The following BICRAL variants were observed in gnomAD, a reference collection of about 807,000 sequenced individuals.
The protein encoded by BICRAL is BRD4-interacting chromatin-remodeling complex-associated protein-like.
A neutral mutation model predicts 91.8 loss-of-function variants in BICRAL; 8 were observed. The ratio of observed to expected loss-of-function variants is 0.09; its 90% CI spans 0.05 to 0.16. The LOEUF is 0.16. Among genes scored for constraint, BICRAL ranks in the 10% least tolerant of loss-of-function variants. The pLI is 1.00. For synonymous variants in BICRAL, 445 were observed against 491.1 expected (o/e 0.91, Z 1.24); for missense variants, 1,038 against 1,310.9 (o/e 0.79, Z 3.21).
At chr6:42,826,231 C>CT (rs763034286) in intron 5 of BICRAL, among the ~76,000 whole-genome samples, 7,140 of 116,862 alleles carry the variant, frequency 0.061, 297 homozygotes, top group East Asian at 0.09. Flanking sequence ...AACTCATGTT[C>CT]TTTTTTTTTT....
chr6:42,799,016 C>G (rs185231769), intron 1 of BICRAL, among the ~76,000 whole-genome samples: 172 of 152,126 alleles, frequency 1.1e-3, no homozygotes, highest in Middle Eastern at 6.8e-3. Flanking sequence ...TCTGGGGGTG[C>G]AGAACCCATG....
intron 10 of BICRAL, among the ~76,000 whole-genome samples, chr6:42,857,614 A>AAAAAAAAAAAAAAAAAAT: frequency 1.6e-4 from 15 of 96,222 alleles, no homozygotes; most frequent in African/African-American, 9.8e-4. Flanking sequence ...AAAAAAAAAA[A>AAAAAAAAAAAAAAAAAAT]ATATATATAT....
chr6:42,757,338 G>A (rs947801658), intron 1 of BICRAL, among the ~76,000 whole-genome samples: 39 of 150,860 alleles, frequency 2.6e-4, no homozygotes, highest in South Asian at 2.1e-4. Flanking sequence ...TGCAAGCTCC[G>A]CCTCCCAGGT....
chr6:42,794,397 A>G (rs1276161433), intron 1 of BICRAL, among the ~76,000 whole-genome samples: 2 of 151,226 alleles, frequency 1.3e-5, no homozygotes, highest in Non-Finnish European at 2.9e-5. Flanking sequence ...AATGCCGGAC[A>G]AAATTCACTT....
intron 6 of BICRAL, among the ~76,000 whole-genome samples, chr6:42,834,161 T>C (rs1031913240): frequency 2.6e-5 from 4 of 152,192 alleles, no homozygotes; most frequent in African/African-American, 9.7e-5. Context: ...AAACCAATTA[T>C]TTTCTATAAT....
chr6:42,830,738 C>T, intron 6 of BICRAL, among the ~76,000 whole-genome samples: 1 of 152,128 alleles, frequency 6.6e-6, no homozygotes, highest in Non-Finnish European at 1.5e-5. Context: ...ACCTCAGCCT[C>T]CCAGGTAGCT....
intron 1 of BICRAL, among the ~76,000 whole-genome samples, chr6:42,770,794 G>C (rs1172617176): frequency 1.3e-5 from 2 of 151,812 alleles, no homozygotes; most frequent in African/African-American, 4.8e-5. Flanking sequence ...GAGTTCAAGT[G>C]ATTCTCCTGC....
At chr6:42,778,674 G>A (rs892379972), upstream of BICRAL, among the ~76,000 whole-genome samples, 6 of 152,260 alleles carry the variant, frequency 3.9e-5, no homozygotes, top group East Asian at 3.9e-4. Flanking sequence ...ATAGCTTTCC[G>A]AAATCCATTA....
chr6:42,817,753 T>C (rs1427752543), intron 2 of BICRAL, among the ~76,000 whole-genome samples: 2 of 152,094 alleles, frequency 1.3e-5, no homozygotes, highest in Non-Finnish European at 2.9e-5. Context: ...TCTAGGGTTT[T>C]GCCGTCCTTT....
chr6:42,796,504 T>G (rs1327749562), intron 1 of BICRAL, among the ~76,000 whole-genome samples: 1 of 152,142 alleles, frequency 6.6e-6, no homozygotes, highest in Non-Finnish European at 1.5e-5. Context: ...AAAAGAATTT[T>G]GGTTTTTACA....
chr6:42,809,565 C>T (rs1763800408), intron 1 of BICRAL, among the ~76,000 whole-genome samples: 2 of 150,836 alleles, frequency 1.3e-5, no homozygotes, highest in Non-Finnish European at 3.0e-5. Context: ...CTCCTCACCT[C>T]CCAGATTCAA....
At chr6:42,847,606 C>T (rs559079569) in intron 6 of BICRAL, among the ~76,000 whole-genome samples, 8 of 149,086 alleles carry the variant, frequency 5.4e-5, no homozygotes, top group Admixed American at 6.7e-5. Context: ...AGGAAGACCT[C>T]GTCTCTACAA....
At chr6:42,811,690 C>G (rs982729211) in intron 2 of BICRAL, among the ~76,000 whole-genome samples, 6 of 151,200 alleles carry the variant, frequency 4.0e-5, no homozygotes, top group African/African-American at 1.5e-4. Context: ...GCACTGCACT[C>G]CACTCTACTA....
At chr6:42,798,201 G>A (rs926039856) in intron 1 of BICRAL, among the ~76,000 whole-genome samples, 5 of 152,140 alleles carry the variant, frequency 3.3e-5, no homozygotes, top group African/African-American at 1.2e-4. Flanking sequence ...GGGTAGGGAG[G>A]GAGGGAAGTG....
rs958780763 is a variant in BICRAL at position 42,867,708 on chromosome 6, C to T, written c.*2262C>T. On this transcript the variant is annotated 3_prime_UTR_variant, in exon 13 of 13. Transcript: ENST00000314073. ...TTTGTCACCTCTCTTTCTTCCCTAT[C>T]CTGCCCTGCTGTCCCAATCCTAGCT... The T allele has an allele frequency of 1.3e-5, 2 of 152,200 alleles. No homozygotes were observed. The highest frequency in any genetic ancestry group is 2.9e-5 in the Non-Finnish European group (2 of 68,050). 9.4% of individuals were successfully genotyped at this position (152,200 alleles called of 1,614,324 possible).
At chr6:42,809,569 G>C (rs904822405) in intron 1 of BICRAL, among the ~76,000 whole-genome samples, 1 of 149,494 alleles carries the variant, frequency 6.7e-6, no homozygotes, top group African/African-American at 2.5e-5. Flanking sequence ...TCACCTCCCA[G>C]ATTCAAGCAA....
Position 42,801,878 on chromosome 6 carries a change from A to G in BICRAL, c.-101-8428A>G, listed in dbSNP as rs147247293. Among the ~76,000 whole-genome samples, 1,112 of 135,352 alleles carry G rather than the reference A, an allele frequency of 8.2e-3. 9 individuals are homozygous for G. The highest frequency in any genetic ancestry group is 0.027 in the African/African-American group (985 of 35,932). 88.8% of individuals were successfully genotyped at this position (135,352 alleles called of 152,430 possible). A position where few individuals can be genotyped will look rare whatever the true frequency, so the allele number is the denominator to read the frequency against. On this transcript the variant is annotated intron_variant, in intron 1 of 12. Coordinates refer to ENST00000314073, the MANE Select transcript of BICRAL (RefSeq NM_001393499.1). ...AGCCTGGGTGACAGAGTGAGACTCC[A>G]TCTCAAAAAAAATAAATAAAAATAA...
At chr6:42,821,267 T>C (rs1420025698) in intron 2 of BICRAL, 1 of 152,254 alleles carries the variant, frequency 6.6e-6, no homozygotes, top group Non-Finnish European at 1.5e-5. Context: ...GCAGTTGTTG[T>C]TGTTTCAGCC....
rs1271474070 is a variant in BICRAL at position 42,863,693 on chromosome 6, C to A, written c.2453-966C>A. Among the ~76,000 whole-genome samples the A allele has an allele frequency of 3.3e-5, 5 of 152,162 alleles. No individual in the cohort carries two copies. The East Asian group carries it at 9.6e-4, about 29-fold the overall frequency. On this transcript the variant is annotated intron_variant, in intron 12 of 12. Transcript: ENST00000314073. The stretch of plus-strand genomic sequence containing the variant: ...GACACCAGGAACTAATTTCTGTTTT[C>A]AGACTGTTTCAAGGAGGTCATTAGC...
Sources: allele counts gnomAD v4.1 joint callset (sites outside exome capture counted in the v4.1 genomes callset), GRCh38; gene constraint gnomAD v4.1.1; transcripts MANE v1.5; gene names NCBI Gene and HGNC (gene_info 2026-07-23, HGNC 2026-07-21).